Variants in KIF15 observed in about 807,000 individuals in gnomAD.
The protein encoded by KIF15 is kinesin-like protein KIF15.
KIF15 carries 140 observed loss-of-function variants against 190.6 expected under a neutral mutation model. The observed-to-expected ratio is 0.73, with a 90% confidence interval of 0.64 to 0.84. KIF15 has a LOEUF of 0.84. Ranked by LOEUF, KIF15 falls within the 40% of genes least tolerant of loss-of-function variation. The pLI, the probability that KIF15 is intolerant of heterozygous loss-of-function variation, is 0.00. For missense variants in KIF15, 1,372 were observed against 1,584.4 expected (o/e 0.87, Z 2.28); for synonymous variants, 528 against 551.3 (o/e 0.96, Z 0.59).
chr3:44,820,416 C>G (rs1213463039), intron 20 of KIF15, among the ~76,000 whole-genome samples: 1 of 150,714 alleles, frequency 6.6e-6, no homozygotes, highest in Non-Finnish European at 1.5e-5. Context: ...TTGGCAGGGT[C>G]ACAGGACAAT....
In KIF15 at chr3:44,860,651, C is replaced by T. The variant is rs562359738; in HGVS notation, c.*59+7857C>T. ...CCTCCCAAAGTGCTGGGATTACAGG[C>T]GTGAGCCACCGTGCCTGGCCTTATC... is the stretch of plus-strand genomic sequence containing the variant. On this transcript the variant is annotated intron_variant and NMD_transcript_variant, in intron 6 of 6. Transcript: ENST00000422209. Among the ~76,000 whole-genome samples the T allele has an allele frequency of 6.6e-5, 10 of 152,258 alleles. No individual in the cohort carries two copies. The South Asian group carries it at 2.1e-3, about 32-fold the overall frequency.
At chr3:44,813,579 C>T (rs1707892796) in intron 19 of KIF15, among the ~76,000 whole-genome samples, 1 of 150,490 alleles carries the variant, frequency 6.6e-6, no homozygotes. Flanking sequence ...ATTACCATGC[C>T]TGGCTAATTT....
intron 26 of KIF15, among the ~76,000 whole-genome samples, chr3:44,837,904 A>G (rs1698405114): frequency 6.6e-6 from 1 of 152,152 alleles, no homozygotes; most frequent in South Asian, 2.1e-4. Context: ...ACTTTCCAGT[A>G]TATAAAGGAC....
chr3:44,820,400 G>T (rs1023281865), intron 20 of KIF15, among the ~76,000 whole-genome samples: 24 of 151,794 alleles, frequency 1.6e-4, no homozygotes, highest in Non-Finnish European at 3.4e-4. Flanking sequence ...TCTCACAGAG[G>T]GGGATTTGGC....
rs368839885 is a variant in KIF15, at chr3:44,809,743, C to T, written c.1972-1103C>T. ...GTGTGCACCTTTGGTCTCAACTACT[C>T]CTGATACCTAAAATTTCCACAGAAA... is the stretch of plus-strand genomic sequence containing the variant. On this transcript the variant is annotated intron_variant, in intron 16 of 34. Transcript: ENST00000326047. 5.9e-5 allele frequency among the ~76,000 whole-genome samples: 9 copies of T among 151,524 alleles called. No homozygotes were observed. In the East Asian group the frequency reaches 1.5e-3, roughly 26 times the overall value.
chr3:44,784,936 A>C lies in KIF15; in HGVS notation c.453A>C (p.Lys151Asn). 1 of 1,518,022 alleles carries C rather than the reference A, an allele frequency of 6.6e-7. No homozygotes were observed. The highest frequency in any genetic ancestry group is 1.4e-5 in the African/African-American group (1 of 72,186). The allele number at this position is 1,518,022 out of a possible 1,614,324, so 94.0% of individuals were successfully genotyped here. Residue 151 changes from lysine to asparagine, a missense_variant, in exon 6 of 35, where the codon AAA becomes AAC. Transcript: ENST00000326047. ...EYLFSLIDRE[K>N]EKAGAGKSFL... ...TGTTTTCCTTAATTGATCGTGAAAA[A>C]GAAAAGGTAAAACAATGTAAAAATA...
chr3:44,763,501 T>C (rs1279095636), intron 1 of KIF15, among the ~76,000 whole-genome samples: 5 of 150,606 alleles, frequency 3.3e-5, no homozygotes, highest in South Asian at 2.1e-4. Flanking sequence ...GGGGTTTCAC[T>C]GTGTTGGCCA....
chr3:44,840,560 A>G (rs1187835200), intron 28 of KIF15, 104 bp downstream of exon 28: 1 of 664,894 alleles, frequency 1.5e-6, no homozygotes, highest in East Asian at 2.9e-5. Flanking sequence ...AAAGAAAAAG[A>G]TTTTCACTAA....
At chr3:44,857,764 C>G (rs1036662087), downstream of KIF15, among the ~76,000 whole-genome samples, 1 of 152,138 alleles carries the variant, frequency 6.6e-6, no homozygotes, top group East Asian at 1.9e-4. Flanking sequence ...TTTGAGAGAT[C>G]AGTCAGACAT....
chr3:44,862,140 G>C, intron 6 of KIF15: 1 of 1,194,290 alleles, frequency 8.4e-7, no homozygotes, highest in Non-Finnish European at 1.0e-6. Context: ...CGCTGTTGGT[G>C]CTGCTGCTGC....
At chr3:44,842,327 C>G (rs928843056) in intron 29 of KIF15, among the ~76,000 whole-genome samples, 1 of 151,968 alleles carries the variant, frequency 6.6e-6, no homozygotes. Flanking sequence ...GCACATGGCT[C>G]AGGGGTGGGG....
At chr3:44,835,727 A>T (rs973107707) in intron 26 of KIF15, among the ~76,000 whole-genome samples, 16 of 152,312 alleles carry the variant, frequency 1.1e-4, no homozygotes, top group African/African-American at 3.4e-4. Flanking sequence ...ACAAATAGAG[A>T]GCAGTGAATA....
downstream of KIF15, among the ~76,000 whole-genome samples, chr3:44,855,160 T>C (rs60669591): frequency 0.012 from 1,786 of 152,272 alleles, 33 homozygotes; most frequent in African/African-American, 0.039. Flanking sequence ...TTAGTTCTTA[T>C]AGGTTTTGGG....
At chr3:44,861,955 G>GCCGTGT (rs1399309402) in intron 6 of KIF15, 5 of 1,404,312 alleles carry the variant, frequency 3.6e-6, no homozygotes, top group Non-Finnish European at 4.6e-6. Flanking sequence ...TCCGGGCGGC[G>GCCGTGT]CCGTGTCCGC....
intron 15 of KIF15, among the ~76,000 whole-genome samples, chr3:44,805,416 T>C (rs1217852024): frequency 1.3e-5 from 2 of 152,238 alleles, no homozygotes; most frequent in Non-Finnish European, 2.9e-5. Flanking sequence ...TAGTAAATTA[T>C]TTAAATTTAA....
At chr3:44,785,118 T>C (rs1706348186) in intron 6 of KIF15, among the ~76,000 whole-genome samples, 176 bp downstream of exon 6, 1 of 152,180 alleles carries the variant, frequency 6.6e-6, no homozygotes, top group African/African-American at 2.4e-5. Context: ...GGATTCTGAG[T>C]TGTTTTATCT....
chr3:44,777,788 C>G (rs1322166799), intron 3 of KIF15, among the ~76,000 whole-genome samples: 1 of 152,178 alleles, frequency 6.6e-6, no homozygotes, highest in Non-Finnish European at 1.5e-5. Flanking sequence ...GAGGTATTGA[C>G]TGTTCAGTGC....
At chr3:44,799,781 G>T (rs1707177123) in intron 10 of KIF15, among the ~76,000 whole-genome samples, 1 of 149,684 alleles carries the variant, frequency 6.7e-6, no homozygotes, top group Non-Finnish European at 1.5e-5. Flanking sequence ...AAAAAAAAAG[G>T]AAGTGTCAAA....
rs1046645680 is a variant in KIF15, at chr3:44,804,970, T to G, written c.1688-57T>G. 3.2e-6 allele frequency: 5 copies of G among 1,542,784 alleles called. No homozygotes were observed. In the African/African-American group the frequency reaches 7.1e-5, roughly 22 times the overall value. ...CTGCACTCTAGCCTGGGCAACATAG[T>G]GAGGCCCTGTCTCAGAAAAAAAAAA... On this transcript the variant is annotated intron_variant, in intron 14 of 34. Coordinates refer to ENST00000326047, the MANE Select transcript of KIF15 (RefSeq NM_020242.3).
Sources: gnomAD v4.1 joint callset for allele counts (sites outside exome capture counted in the v4.1 genomes callset) on GRCh38, gnomAD v4.1.1 for gene constraint, MANE v1.5 for transcripts, NCBI Gene and HGNC (gene_info 2026-07-23, HGNC 2026-07-21) for gene names.